RNF125: variants seen among roughly 807,000 people sequenced by gnomAD.
The protein encoded by RNF125 is ring finger protein 125.
Under a neutral mutation model 26.0 loss-of-function variants are expected in RNF125, and 21 were observed. That is an observed-to-expected ratio of 0.81 (90% CI 0.57 to 1.16). The LOEUF is 1.16. Ranked by LOEUF, RNF125 falls within the 50% of genes most tolerant of loss-of-function variation. The probability of loss-of-function intolerance (pLI) is 0.00; values close to 1 mark genes in which losing one functional copy is unlikely to be tolerated. For missense variants in RNF125, 270 were observed against 299.4 expected, an observed-to-expected ratio of 0.90 and a Z score of 0.72; for synonymous variants, 95 against 109.2, an observed-to-expected ratio of 0.87 and a Z score of 0.81.
intron 3 of RNF125, among the ~76,000 whole-genome samples, chr18:32,043,159 G>T (rs1165663238): frequency 5.9e-5 from 9 of 151,588 alleles, no homozygotes; most frequent in Admixed American, 5.9e-4. Context: ...AAAAAAAAAA[G>T]AAACACATCT....
intron 4 of RNF125, among the ~76,000 whole-genome samples, chr18:32,058,735 T>C (rs1236323967): frequency 2.6e-5 from 4 of 152,164 alleles, no homozygotes; most frequent in Non-Finnish European, 5.9e-5. Flanking sequence ...TATCTAACTA[T>C]ATTTGTGTAC....
the RNF125 span, among the ~76,000 whole-genome samples, chr18:32,082,750 G>C: frequency 6.6e-6 from 1 of 152,130 alleles, no homozygotes; most frequent in East Asian, 1.9e-4. Context: ...GTTTTTATTA[G>C]AATTATAGCA....
At chr18:32,050,864 G>GCTTTTTTTTTTTTT (rs2039318115) in intron 4 of RNF125, among the ~76,000 whole-genome samples, 1 of 71,262 alleles carries the variant, frequency 1.4e-5, no homozygotes, top group African/African-American at 6.0e-5. Flanking sequence ...GGTCTAGAGT[G>GCTTTTTTTTTTTTT]CTTTTTTTTT....
At chr18:32,054,637 C>T (rs1225512176) in intron 4 of RNF125, among the ~76,000 whole-genome samples, 2 of 152,172 alleles carry the variant, frequency 1.3e-5, no homozygotes, top group Non-Finnish European at 2.9e-5. Context: ...CTATTCTTCT[C>T]CCATTTCTGA....
chr18:32,028,689 A>G (rs2039064206), intron 1 of RNF125, among the ~76,000 whole-genome samples: 1 of 147,902 alleles, frequency 6.8e-6, no homozygotes, highest in Non-Finnish European at 1.5e-5. Flanking sequence ...AGTAGCTGGG[A>G]CTACAGGTGT....
downstream of RNF125, among the ~76,000 whole-genome samples, chr18:32,074,908 TGTCA>T (rs141124243): frequency 4.9e-3 from 748 of 152,350 alleles, 3 homozygotes; most frequent in African/African-American, 0.017. Context: ...ATGAAAGAAC[TGTCA>T]GTTTCTCAGA....
intron 4 of RNF125, among the ~76,000 whole-genome samples, chr18:32,051,015 G>A (rs549979013): frequency 2.6e-5 from 4 of 151,254 alleles, no homozygotes; most frequent in African/African-American, 7.3e-5. Context: ...GAGCCACCGC[G>A]CCTGGCCTCA....
At chr18:32,085,417 A>C in the RNF125 span, among the ~76,000 whole-genome samples, 1 of 101,732 alleles carries the variant, frequency 9.8e-6, no homozygotes, top group Non-Finnish European at 2.1e-5. Context: ...GAGAGAGAGA[A>C]AGCTGGGTGA....
In RNF125 at chr18:32,051,629, A is replaced by G. The variant is rs192629603; in HGVS notation, c.504+5897A>G. On this transcript the variant is annotated intron_variant, in intron 4 of 5. Transcript: ENST00000217740. ...AGACTCAGTCTTAAAAAAAAAAAAA[A>G]AAAAAAAAAGGCATGATTCCATTCA... Among the ~76,000 whole-genome samples the G allele has an allele frequency of 7.2e-3, 1,078 of 150,164 alleles. 28 individuals carry two copies. The highest frequency in any genetic ancestry group is 0.025 in the African/African-American group (1,013 of 40,970).
the RNF125 span, among the ~76,000 whole-genome samples, chr18:32,085,700 C>CAAAAAAAAAAAAAAAA: frequency 3.2e-5 from 2 of 62,768 alleles, no homozygotes; most frequent in African/African-American, 6.4e-5. Flanking sequence ...AACGACTTAT[C>CAAAAAAAAAAAAAAAA]AAAAAAAAAA....
At chr18:32,032,567 T>G (rs1181742417) in intron 1 of RNF125, among the ~76,000 whole-genome samples, 3 of 152,074 alleles carry the variant, frequency 2.0e-5, no homozygotes, top group Admixed American at 6.6e-5. Flanking sequence ...TTATCCAGCT[T>G]TATTAAAGAT....
intron 4 of RNF125, among the ~76,000 whole-genome samples, chr18:32,046,869 A>C (rs1301081263): frequency 6.6e-6 from 1 of 151,202 alleles, no homozygotes; most frequent in African/African-American, 2.4e-5. Flanking sequence ...GAGTGGATAC[A>C]TCATTGTTTA....
At chr18:32,045,856 T>C in intron 4 of RNF125, 124 bp downstream of exon 4, 1 of 603,462 alleles carries the variant, frequency 1.7e-6, no homozygotes, top group Non-Finnish European at 2.9e-6. Flanking sequence ...AAGGTTATGG[T>C]AACTCTGTGA....
chr18:32,076,624 GAAT>G (rs1305450171), downstream of RNF125, among the ~76,000 whole-genome samples: 2 of 152,048 alleles, frequency 1.3e-5, no homozygotes, highest in East Asian at 1.9e-4. Context: ...ATTATTATGA[GAAT>G]AAATTCTAAA....
At chr18:32,051,377 G>C (rs555208900) in intron 4 of RNF125, among the ~76,000 whole-genome samples, 70 of 152,072 alleles carry the variant, frequency 4.6e-4, no homozygotes, top group African/African-American at 1.6e-3. Flanking sequence ...AGCACTTTGG[G>C]AGGCCAAGGC....
intron 4 of RNF125, among the ~76,000 whole-genome samples, chr18:32,065,395 G>A (rs920146140): frequency 2.0e-5 from 3 of 152,018 alleles, no homozygotes; most frequent in East Asian, 1.9e-4. Flanking sequence ...CTGCCACTGC[G>A]CCCAGCTAAT....
downstream of RNF125, among the ~76,000 whole-genome samples, chr18:32,076,612 C>T (rs187804485): frequency 2.0e-5 from 3 of 152,212 alleles, no homozygotes; most frequent in East Asian, 5.8e-4. Context: ...CGCCCGGCCT[C>T]CATTATTATG....
rs1269136381 is a variant in RNF125 at position 32,064,345 on chromosome 18, A to G, written c.505-1557A>G. The stretch of plus-strand genomic sequence containing the variant: ...TTTCCAAACTATATCTCACACACAC[A>G]CACTGAAAAATATGAGTACAGGCAA... On this transcript the variant is annotated intron_variant, in intron 4 of 5. Coordinates refer to ENST00000217740, the MANE Select transcript of RNF125 (RefSeq NM_017831.4). 1.7e-4 allele frequency among the ~76,000 whole-genome samples: 26 copies of G among 148,906 alleles called. No homozygotes were observed. In the Admixed American group the frequency reaches 1.7e-3, roughly 10 times the overall value.
At chr18:32,087,838 C>G in the RNF125 span, among the ~76,000 whole-genome samples, 1 of 152,110 alleles carries the variant, frequency 6.6e-6, no homozygotes, top group Non-Finnish European at 1.5e-5. Flanking sequence ...TTGTCTTTCC[C>G]TCAGGGGTGA....
Sources: gnomAD v4.1 joint callset for allele counts (sites outside exome capture counted in the v4.1 genomes callset) on GRCh38, gnomAD v4.1.1 for gene constraint, MANE v1.5 for transcripts, NCBI Gene and HGNC (gene_info 2026-07-23, HGNC 2026-07-21) for gene names.